Variants in CUBN observed in about 807,000 individuals in gnomAD.
CUBN encodes the protein cubilin.
A neutral mutation model predicts 405.3 loss-of-function variants in CUBN; 282 were observed. The observed-to-expected ratio is 0.70, with a 90% CI of 0.63 to 0.77. The LOEUF (loss-of-function observed/expected upper bound fraction) is 0.77. Ranked by LOEUF, CUBN falls within the 30% of genes least tolerant of loss-of-function variation. The pLI is 0.00. For missense variants in CUBN, 4,514 were observed against 4,475.2 expected, an observed-to-expected ratio of 1.01 and a Z score of -0.25; for synonymous variants, 1,684 against 1,617.0, an observed-to-expected ratio of 1.04 and a Z score of -0.99.
chr10:16,991,202 C>A (rs74116795), intron 28 of CUBN, among the ~76,000 whole-genome samples: 1 of 152,140 alleles, frequency 6.6e-6, no homozygotes, highest in Non-Finnish European at 1.5e-5. Flanking sequence ...CTGTAGCCTG[C>A]GGCACACAGT....
intron 28 of CUBN, among the ~76,000 whole-genome samples, chr10:16,994,563 C>T (rs554348213): frequency 1.3e-5 from 2 of 152,178 alleles, no homozygotes; most frequent in South Asian, 4.1e-4. Flanking sequence ...GGAGAATACA[C>T]AAGTCTGGAG....
At chr10:16,991,065 TAA>T (rs61359481) in intron 28 of CUBN, among the ~76,000 whole-genome samples, 5 of 151,904 alleles carry the variant, frequency 3.3e-5, no homozygotes, top group East Asian at 1.9e-4. Flanking sequence ...AAATTTACAT[TAA>T]AAAAAATACA....
At chr10:16,914,506 C>A (rs1228125069) in intron 47 of CUBN, among the ~76,000 whole-genome samples, 1 of 151,968 alleles carries the variant, frequency 6.6e-6, no homozygotes, top group Admixed American at 6.6e-5. Context: ...TTGCAGTGAG[C>A]TGATATCATG....
chr10:17,004,817 G>T (rs1174856690), intron 28 of CUBN, among the ~76,000 whole-genome samples: 1 of 151,762 alleles, frequency 6.6e-6, no homozygotes, highest in Non-Finnish European at 1.5e-5. Flanking sequence ...TTACAGGCAC[G>T]CACCACCACA....
chr10:17,030,884 A>G (rs1235218905), intron 27 of CUBN, among the ~76,000 whole-genome samples: 1 of 152,052 alleles, frequency 6.6e-6, no homozygotes, highest in African/African-American at 2.4e-5. Context: ...ACGCCACTGC[A>G]CTCCAGCCCG....
At chr10:16,909,600 G>A (rs1467575039) in intron 48 of CUBN, among the ~76,000 whole-genome samples, 2 of 152,218 alleles carry the variant, frequency 1.3e-5, no homozygotes. Context: ...GGGACATGTC[G>A]GAAACTGTGA....
At chr10:16,907,124 T>C (rs1026489449) in intron 49 of CUBN, among the ~76,000 whole-genome samples, 1 of 152,210 alleles carries the variant, frequency 6.6e-6, no homozygotes, top group African/African-American at 2.4e-5. Flanking sequence ...CAATAAAGCC[T>C]GTTCTGTCCC....
intron 36 of CUBN, among the ~76,000 whole-genome samples, chr10:16,946,458 T>C (rs1408557466): frequency 6.6e-6 from 1 of 151,858 alleles, no homozygotes; most frequent in African/African-American, 2.4e-5. Context: ...TAAGTTTAAG[T>C]TTGGAAGTTA....
intron 58 of CUBN, among the ~76,000 whole-genome samples, chr10:16,872,273 CAGATGTAAATT>C (rs2131371313): frequency 6.6e-6 from 1 of 151,568 alleles, no homozygotes; most frequent in East Asian, 1.9e-4. Flanking sequence ...AATAAACATG[CAGATGTAAATT>C]TCATTATGGT....
At chr10:16,982,412 T>C (rs1310301289) in intron 31 of CUBN, 72 bp downstream of exon 31, 2 of 1,350,928 alleles carry the variant, frequency 1.5e-6, no homozygotes, top group African/African-American at 2.8e-5. Flanking sequence ...ATACATTCAC[T>C]AAATATGCTT....
rs535517297 is a variant in CUBN at position 16,983,101 on chromosome 10, G to T, written c.4526-448C>A. Among the ~76,000 whole-genome samples the T allele has an allele frequency of 2.6e-5, 4 of 152,080 alleles. No individual in the cohort carries two copies. The South Asian group carries it at 8.3e-4, about 32-fold the overall frequency. ...TATTCGGATATAGTACAGTTACTTA[G>T]GTTTTTTAAAATTCCTTTGATGTTA... On this transcript the variant is annotated intron_variant, in intron 30 of 66. Coordinates refer to ENST00000377833, the MANE Select transcript of CUBN (RefSeq NM_001081.4).
In CUBN at chr10:16,871,706, T is replaced by TA. The variant is rs1225045438; in HGVS notation, c.9237-1854dup. ...CACAAAAAGAATCCACAAAGAGAGATAAAATCTGAGTTTCTAAGAGGACTT... is the reference window on the plus strand; with the variant it reads ...CACAAAAAGAATCCACAAAGAGAGATAAAAATCTGAGTTTCTAAGAGGACTT... On this transcript the variant is annotated intron_variant, in intron 58 of 66. Transcript: ENST00000377833. Among the ~76,000 whole-genome samples, 3 of 152,302 alleles carry TA rather than the reference T, an allele frequency of 2.0e-5. No individual in the cohort carries two copies. The East Asian group carries it at 5.8e-4, about 29-fold the overall frequency.
At chr10:16,890,258 C>A in intron 55 of CUBN, 113 bp downstream of exon 55, 2 of 953,846 alleles carry the variant, frequency 2.1e-6, no homozygotes. Context: ...GACTCATCCT[C>A]CCCGTAGACC....
intron 31 of CUBN, among the ~76,000 whole-genome samples, chr10:16,981,954 C>A (rs1833288445): frequency 1.3e-5 from 2 of 152,206 alleles, no homozygotes; most frequent in African/African-American, 4.8e-5. Flanking sequence ...TCAAGAGAAG[C>A]AGAATCCTGT....
intron 22 of CUBN, among the ~76,000 whole-genome samples, 163 bp downstream of exon 22, chr10:17,065,345 T>C (rs1181356576): frequency 6.6e-6 from 1 of 152,228 alleles, no homozygotes; most frequent in Non-Finnish European, 1.5e-5. Context: ...ATCTAGTCAC[T>C]ACTTTTAATA....
Position 16,920,132 on chromosome 10 carries a change from C to T in CUBN, c.6652G>A (p.Gly2218Arg), listed in dbSNP as rs1270030550. ...GCATCATGGATGTAGACGTTGCCCCCACAGGCTGTGAGCAAACACACTTAA... is the reference window on the plus strand; with the variant it reads ...GCATCATGGATGTAGACGTTGCCCCTACAGGCTGTGAGCAAACACACTTAA... ...IKYEAKSLAC[G>R]GNVYIHDADS... The change falls in exon 44 of 67, where the codon GGG becomes AGG. Residue 2218 changes from glycine to arginine, a missense_variant. By Grantham distance (125) the Gly-to-Arg change is moderately radical. This residue lies in a region of CUBN where 1,613 missense variants were observed against 1,542.8 expected (regional missense o/e 1.05). Coordinates refer to ENST00000377833, the MANE Select transcript of CUBN (RefSeq NM_001081.4). 28 of 1,613,858 alleles carry T rather than the reference C, an allele frequency of 1.7e-5. No individual in the cohort carries two copies. Among genetic ancestry groups the T allele is most frequent in the Non-Finnish European group, 2.3e-5 (27 of 1,179,906 alleles).
At chr10:17,023,004 C>T (rs1158358492) in intron 27 of CUBN, among the ~76,000 whole-genome samples, 2 of 152,218 alleles carry the variant, frequency 1.3e-5, no homozygotes, top group African/African-American at 2.4e-5. Flanking sequence ...AATTATATTT[C>T]AATCCTGCAC....
At chr10:17,127,188 C>G (rs189894853) in intron 3 of CUBN, among the ~76,000 whole-genome samples, 1 of 149,884 alleles carries the variant, frequency 6.7e-6, no homozygotes, top group Admixed American at 6.7e-5. Flanking sequence ...TTCTCTCTCT[C>G]TCTTTCTTTC....
In CUBN at chr10:16,867,065, T is replaced by C. The variant is rs147940799; in HGVS notation, c.9454+2571A>G. 2.6e-3 allele frequency among the ~76,000 whole-genome samples: 394 copies of C among 152,284 alleles called. 3 individuals are homozygous for C. Among genetic ancestry groups the C allele is most frequent in the African/African-American group, 8.9e-3 (368 of 41,552 alleles). ...CCAAGTGTATAATCTAAATAGCAAATCTGCAAAACCCTACTTAGTGTTTTA... is the reference window on the plus strand; with the variant it reads ...CCAAGTGTATAATCTAAATAGCAAACCTGCAAAACCCTACTTAGTGTTTTA... On this transcript the variant is annotated intron_variant, in intron 59 of 66. Transcript: ENST00000377833.
Sources: gnomAD v4.1 joint callset for allele counts (sites outside exome capture counted in the v4.1 genomes callset) on GRCh38, gnomAD v4.1.1 for gene constraint, gnomAD v4.1.1 regional missense constraint, MANE v1.5 for transcripts, NCBI Gene and HGNC (gene_info 2026-07-23, HGNC 2026-07-21) for gene names.